MAP4: variants seen among roughly 807,000 people sequenced by gnomAD.
MAP4 encodes the protein microtubule-associated protein 4.
In MAP4, 76 loss-of-function variants were observed where a neutral mutation model predicts 170.2. The ratio of observed to expected loss-of-function variants is 0.45; its 90% CI spans 0.37 to 0.54. The LOEUF (loss-of-function observed/expected upper bound fraction) is 0.54. Ranked by LOEUF, MAP4 falls within the 20% of genes least tolerant of loss-of-function variation. The probability of loss-of-function intolerance (pLI) is 0.00; values close to 1 mark genes in which losing one functional copy is unlikely to be tolerated. For missense variants in MAP4, 2,506 were observed against 2,748.0 expected (o/e 0.91, Z 1.97); for synonymous variants, 909 against 994.5 (o/e 0.91, Z 1.62).
At chr3:48,047,202 A>G (rs2100125092) in intron 1 of MAP4, among the ~76,000 whole-genome samples, 1 of 152,154 alleles carries the variant, frequency 6.6e-6, no homozygotes, top group African/African-American at 2.4e-5. Context: ...TATAACCTAT[A>G]TAATTTATCA....
At chr3:47,867,398 C>T in intron 16 of MAP4, 60 bp from the exon 17 acceptor site, 1 of 1,123,178 alleles carries the variant, frequency 8.9e-7, no homozygotes, top group South Asian at 1.3e-5. Context: ...AGAACCGACA[C>T]AGGGAAGGCA....
intron 1 of MAP4, among the ~76,000 whole-genome samples, chr3:48,005,895 C>G (rs2154404887): frequency 6.6e-6 from 1 of 152,246 alleles, no homozygotes; most frequent in South Asian, 2.1e-4. Flanking sequence ...AACTGGATCC[C>G]AAGGTGGCAG....
At position 47,855,302 on chromosome 3, in the gene MAP4, G is replaced by A. The variant is rs1308149640; in HGVS notation, c.6642C>T (p.Ala2214=). 7 of 1,613,938 alleles carry A rather than the reference G, an allele frequency of 4.3e-6. No individual in the cohort carries two copies. The highest frequency in any genetic ancestry group is 5.9e-6 in the Non-Finnish European group (7 of 1,179,966). ...CCACATTATCGAGGGATCCCACCTT[G>A]GCCTGGGCCTTCTCCTTGAAGTTCA... ...QKLNFKEKAQ[A]KVGSLDNVGH... The change falls in exon 19 of 21, where the codon GCC becomes GCT. Residue 2214 remains alanine, a synonymous_variant. Coordinates refer to ENST00000683076, the MANE Select transcript of MAP4 (RefSeq NM_001385682.1). This position sits in a 1 kb window ranked among gnomAD's most constrained non-coding sequence, Gnocchi z 5.1.
chr3:48,051,135 G>A (rs1443372369), intron 1 of MAP4, among the ~76,000 whole-genome samples: 1 of 148,866 alleles, frequency 6.7e-6, no homozygotes, highest in Non-Finnish European at 1.5e-5. Flanking sequence ...CACTTAGGCT[G>A]GCTGTGGTGG....
rs57178120 is a variant in MAP4, at chr3:48,085,263, T to C, written c.-20+3510A>G. On this transcript the variant is annotated intron_variant, in intron 1 of 18. Transcript: ENST00000360240. ...AGCAAAAGTTTACAGAGCCAAAGGA[T>C]TGATCACCAAATTCAGAAACAAGAT... Among the ~76,000 whole-genome samples, 13 of 146,298 alleles carry C rather than the reference T, an allele frequency of 8.9e-5. No homozygotes were observed. In the South Asian group the frequency reaches 2.0e-3, roughly 22 times the overall value.
chr3:48,010,250 G>A (rs1366277435), intron 1 of MAP4, among the ~76,000 whole-genome samples: 1 of 152,220 alleles, frequency 6.6e-6, no homozygotes, highest in African/African-American at 2.4e-5. Flanking sequence ...AGAATGGGTA[G>A]AAGAAGGTAG....
chr3:47,991,853 T>A (rs954491668), intron 2 of MAP4, among the ~76,000 whole-genome samples: 3 of 151,844 alleles, frequency 2.0e-5, no homozygotes, highest in African/African-American at 7.3e-5. Flanking sequence ...GTGTTTTTAG[T>A]AGAGACAGGG....
chr3:47,882,446 T>C (rs1386306787), intron 10 of MAP4, among the ~76,000 whole-genome samples: 1 of 152,152 alleles, frequency 6.6e-6, no homozygotes, highest in Admixed American at 6.5e-5. Context: ...TTTCCTTTTT[T>C]CATTTTTTCA....
intron 1 of MAP4, among the ~76,000 whole-genome samples, chr3:48,074,652 G>C (rs1286362443): frequency 8.0e-6 from 1 of 125,436 alleles, no homozygotes; most frequent in Non-Finnish European, 1.7e-5. Context: ...AGGATTACAG[G>C]GGCAAGCCAC....
intron 10 of MAP4, among the ~76,000 whole-genome samples, chr3:47,885,918 T>C (rs2097524325): frequency 6.6e-6 from 1 of 152,128 alleles, no homozygotes; most frequent in Non-Finnish European, 1.5e-5. Flanking sequence ...TTAGTAGAGT[T>C]GGGGTTTCGC....
At chr3:47,864,575 G>T (rs2076089047) in intron 17 of MAP4, among the ~76,000 whole-genome samples, 1 of 152,224 alleles carries the variant, frequency 6.6e-6, no homozygotes, top group Admixed American at 6.5e-5. Flanking sequence ...TACTCGGGAG[G>T]CTGAAGCAGG....
chr3:47,980,483 A>C (rs1159450048), intron 2 of MAP4, among the ~76,000 whole-genome samples: 3 of 152,238 alleles, frequency 2.0e-5, no homozygotes, highest in Non-Finnish European at 2.9e-5. Context: ...GTCCTCATAA[A>C]TACAAGGCAG....
In MAP4 at chr3:48,005,765, T is replaced by C. The variant is rs992154260; in HGVS notation, c.-19-6886A>G. On this transcript the variant is annotated intron_variant, in intron 1 of 20. Coordinates refer to ENST00000683076, the MANE Select transcript of MAP4 (RefSeq NM_001385682.1). ...TACCCTTGACCAATGCCTTGTGAAATAGATTTGTGAGGGCAGCACTTGAAT... is the reference window on the plus strand; with the variant it reads ...TACCCTTGACCAATGCCTTGTGAAACAGATTTGTGAGGGCAGCACTTGAAT... Among the ~76,000 whole-genome samples, 38 of 152,184 alleles carry C rather than the reference T, an allele frequency of 2.5e-4. 1 individual carries two copies. Among genetic ancestry groups the C allele is most frequent in the Admixed American group, 2.3e-3 (35 of 15,274 alleles).
rs1553739404 is a variant in MAP4, at chr3:48,046,004, T to TTA, written c.-20+42768_-20+42769insTA. 6.8e-4 allele frequency among the ~76,000 whole-genome samples: 102 copies of TTA among 150,828 alleles called. 1 individual carries two copies. Among genetic ancestry groups the TTA allele is most frequent in the Non-Finnish European group, 4.4e-4 (30 of 67,784 alleles). ...CACTTCTTTTTTTTTTTTTTTTTTTTACCAAACCACTTTCTTCACTTATGT... is the reference window on the plus strand; with the variant it reads ...CACTTCTTTTTTTTTTTTTTTTTTTTTAACCAAACCACTTTCTTCACTTATGT... On this transcript the variant is annotated intron_variant, in intron 1 of 18. Coordinates refer to the MAP4 transcript ENST00000360240.
At chr3:47,958,437 G>C (rs1422717191) in intron 3 of MAP4, among the ~76,000 whole-genome samples, 1 of 152,048 alleles carries the variant, frequency 6.6e-6, no homozygotes, top group African/African-American at 2.4e-5. Context: ...CTTTCTCTTT[G>C]TTATATTTGG....
At chr3:47,940,221 C>A (rs2153992954) in intron 3 of MAP4, among the ~76,000 whole-genome samples, 1 of 152,196 alleles carries the variant, frequency 6.6e-6, no homozygotes, top group South Asian at 2.1e-4. Context: ...ATCTCAACAG[C>A]AAAGTTCAGA....
intron 1 of MAP4, among the ~76,000 whole-genome samples, chr3:48,027,298 T>C (rs1195495879): frequency 6.6e-6 from 1 of 152,192 alleles, no homozygotes; most frequent in East Asian, 1.9e-4. Flanking sequence ...CCAAAGTGGT[T>C]TCCCTTTGCC....
rs1038919394 is a variant in MAP4 at position 47,973,606 on chromosome 3, C to A, written c.292+4259G>T. 12 of 984,758 alleles carry A rather than the reference C, an allele frequency of 1.2e-5. No individual in the cohort carries two copies. The Admixed American group carries it at 7.4e-4, about 61-fold the overall frequency. The allele number at this position is 984,758 out of a possible 1,614,324, so 61.0% of individuals were successfully genotyped here. A position where few individuals can be genotyped will look rare whatever the true frequency, so the allele number is the denominator to read the frequency against. ...AATTTCAAACAAAAATAAGCATAACCAAATGGAAATAAAAGAATAAATAAA... is the reference window on the plus strand; with the variant it reads ...AATTTCAAACAAAAATAAGCATAACAAAATGGAAATAAAAGAATAAATAAA... On this transcript the variant is annotated intron_variant, in intron 3 of 20. Coordinates refer to ENST00000683076, the MANE Select transcript of MAP4 (RefSeq NM_001385682.1).
At chr3:48,008,754 C>T (rs969829634) in intron 1 of MAP4, among the ~76,000 whole-genome samples, 2 of 152,150 alleles carry the variant, frequency 1.3e-5, no homozygotes, top group Non-Finnish European at 2.9e-5. Context: ...CCCCTGCCAT[C>T]GCCCATGGCC....
Sources: gnomAD v4.1 joint callset for allele counts (sites outside exome capture counted in the v4.1 genomes callset) on GRCh38, gnomAD v4.1.1 for gene constraint, Gnocchi (gnomAD v3.1) non-coding constraint, MANE v1.5 for transcripts, NCBI Gene and HGNC (gene_info 2026-07-23, HGNC 2026-07-21) for gene names.